Variants in MYO16 observed in about 807,000 individuals in gnomAD.
MYO16 encodes myosin XVI.
MYO16 carries 94 observed loss-of-function variants against 205.3 expected under a neutral mutation model. The ratio of observed to expected loss-of-function variants is 0.46; its 90% CI spans 0.39 to 0.54. The LOEUF (loss-of-function observed/expected upper bound fraction) is 0.54, where lower values mean the gene tolerates loss of function less well. Among genes scored for constraint, MYO16 ranks in the 20% least tolerant of loss-of-function variants. The pLI is 0.00. For synonymous variants in MYO16, 988 were observed against 954.0 expected, an observed-to-expected ratio of 1.04 and a Z score of -0.66; for missense variants, 2,315 against 2,387.5, an observed-to-expected ratio of 0.97 and a Z score of 0.63.
chr13:108,971,475 G>T (rs182005539), intron 20 of MYO16, among the ~76,000 whole-genome samples: 2 of 150,532 alleles, frequency 1.3e-5, no homozygotes, highest in African/African-American at 4.9e-5. Context: ...CCTATAGAGG[G>T]TTATTTGAGT....
intron 22 of MYO16, among the ~76,000 whole-genome samples, chr13:109,018,824 C>T (rs1342174319): frequency 6.6e-6 from 1 of 152,188 alleles, no homozygotes; most frequent in African/African-American, 2.4e-5. Flanking sequence ...CCATGGGCTG[C>T]ACCCACTGTC....
At chr13:108,867,154 G>A (rs2139127413) in intron 12 of MYO16, among the ~76,000 whole-genome samples, 1 of 150,960 alleles carries the variant, frequency 6.6e-6, no homozygotes, top group Middle Eastern at 3.4e-3. Flanking sequence ...GACCATCCTG[G>A]GCAACATAAT....
chr13:108,578,393 C>G, the MYO16 span, among the ~76,000 whole-genome samples: 1 of 152,110 alleles, frequency 6.6e-6, no homozygotes, highest in Non-Finnish European at 1.5e-5. Context: ...ATTTTAAACC[C>G]AAATGGGAGC....
the MYO16 span, among the ~76,000 whole-genome samples, chr13:108,516,465 C>T: frequency 6.6e-5 from 10 of 152,192 alleles, no homozygotes; most frequent in South Asian, 2.1e-4. Flanking sequence ...AGCTGTAGAC[C>T]GGAGCTGTTC....
intron 21 of MYO16, among the ~76,000 whole-genome samples, chr13:108,997,358 GAGAGAGAGAGAGAGAGAGAGAGAGAGAGA>G (rs1885054544): frequency 5.7e-3 from 25 of 4,374 alleles, no homozygotes; most frequent in African/African-American, 0.016. Flanking sequence ...GAGAGAGAGA[GAGAGAGAGAGAGAGAGAGAGAGAGAGAGA>G]GAGGGAGGGA....
chr13:108,867,946 A>G (rs562648958), intron 12 of MYO16, among the ~76,000 whole-genome samples: 28 of 152,262 alleles, frequency 1.8e-4, no homozygotes, highest in Non-Finnish European at 1.0e-4. Flanking sequence ...CTTCCTTTCA[A>G]TATTAGGGAA....
intron 4 of MYO16, among the ~76,000 whole-genome samples, chr13:108,739,568 C>A (rs924970440): frequency 6.6e-6 from 1 of 152,162 alleles, no homozygotes; most frequent in African/African-American, 2.4e-5. Flanking sequence ...CTGCCCTTAA[C>A]ATTTTCCCTT....
At chr13:108,577,277 A>T in the MYO16 span, among the ~76,000 whole-genome samples, 1 of 152,146 alleles carries the variant, frequency 6.6e-6, no homozygotes. Context: ...GACTTAGAGG[A>T]GGGAATGGCT....
chr13:108,753,577 C>T (rs1885323851), intron 4 of MYO16, among the ~76,000 whole-genome samples: 1 of 151,966 alleles, frequency 6.6e-6, no homozygotes, highest in South Asian at 2.1e-4. Context: ...ATCATATGCA[C>T]TCAAGGAAGC....
At chr13:108,650,343 C>T (rs1880943988) in intron 1 of MYO16, among the ~76,000 whole-genome samples, 1 of 152,140 alleles carries the variant, frequency 6.6e-6, no homozygotes, top group Non-Finnish European at 1.5e-5. Flanking sequence ...TTGCTTCAGA[C>T]TCAGACTAAA....
At chr13:108,762,466 G>A (rs1282199501) in intron 4 of MYO16, among the ~76,000 whole-genome samples, 9 of 152,110 alleles carry the variant, frequency 5.9e-5, no homozygotes, top group Admixed American at 5.2e-4. Context: ...CGCCAACAAG[G>A]TGTAAAGTTC....
chr13:108,658,858 T>A (rs186616921), intron 1 of MYO16, among the ~76,000 whole-genome samples: 81 of 152,284 alleles, frequency 5.3e-4, no homozygotes, highest in South Asian at 2.5e-3. Flanking sequence ...AAAGAATGTT[T>A]CCTGCAAATT....
At chr13:109,082,340 A>T (rs1383949124) in intron 27 of MYO16, among the ~76,000 whole-genome samples, 2 of 152,220 alleles carry the variant, frequency 1.3e-5, no homozygotes, top group African/African-American at 4.8e-5. Context: ...AGTAGAGTTT[A>T]GTTTACGATG....
chr13:108,637,230 TG>T (rs1880295442), intron 1 of MYO16, among the ~76,000 whole-genome samples: 1 of 152,214 alleles, frequency 6.6e-6, no homozygotes, highest in Non-Finnish European at 1.5e-5. Flanking sequence ...CTTTGTGTTT[TG>T]CTCCGTGTTG....
At chr13:108,816,509 G>T (rs1255405623) in intron 7 of MYO16, among the ~76,000 whole-genome samples, 1 of 151,260 alleles carries the variant, frequency 6.6e-6, no homozygotes, top group Non-Finnish European at 1.5e-5. Context: ...CACATATTTT[G>T]TAAGTTCTGT....
At chr13:108,748,188 A>G (rs1885124296) in intron 4 of MYO16, among the ~76,000 whole-genome samples, 1 of 152,102 alleles carries the variant, frequency 6.6e-6, no homozygotes, top group South Asian at 2.1e-4. Context: ...TTAACTAGAA[A>G]TCAGTAATAG....
intron 2 of MYO16, among the ~76,000 whole-genome samples, chr13:108,685,735 G>T (rs542038516): frequency 6.6e-6 from 1 of 152,170 alleles, no homozygotes; most frequent in Non-Finnish European, 1.5e-5. Context: ...AGTTCTGAAG[G>T]CAAGAAGTCC....
chr13:108,932,693 T>A (rs920517132), intron 16 of MYO16, among the ~76,000 whole-genome samples: 22 of 152,192 alleles, frequency 1.4e-4, no homozygotes, highest in African/African-American at 5.1e-4. Context: ...TGGCTGTGCA[T>A]CTGTGGGCAG....
At chr13:108,677,120 C>A (rs1371829411) in intron 2 of MYO16, among the ~76,000 whole-genome samples, 1 of 151,914 alleles carries the variant, frequency 6.6e-6, no homozygotes, top group Non-Finnish European at 1.5e-5. Flanking sequence ...ATGTACTGTT[C>A]TAAGTGCTGG....
Sources: gnomAD v4.1 joint callset for allele counts (sites outside exome capture counted in the v4.1 genomes callset) on GRCh38, gnomAD v4.1.1 for gene constraint, MANE v1.5 for transcripts, NCBI Gene and HGNC (gene_info 2026-07-23, HGNC 2026-07-21) for gene names.